The following ZNF438 variants were observed in gnomAD, a reference collection of about 807,000 sequenced individuals.
ZNF438 encodes the protein zinc finger protein 438.
In ZNF438, 25 loss-of-function variants were observed where a neutral mutation model predicts 38.0. The ratio of observed to expected loss-of-function variants is 0.66; its 90% confidence interval spans 0.48 to 0.92. The LOEUF (loss-of-function observed/expected upper bound fraction) is 0.92, where lower values mean the gene tolerates loss of function less well. ZNF438 is among the 40% of genes least tolerant of loss of function. The pLI is 0.00. For synonymous variants in ZNF438, 372 were observed against 364.1 expected (o/e 1.02, Z -0.25); for missense variants, 1,007 against 999.6 (o/e 1.01, Z -0.10).
intron 3 of ZNF438, among the ~76,000 whole-genome samples, chr10:30,888,507 TC>T (rs2040252472): frequency 6.6e-6 from 1 of 152,126 alleles, no homozygotes; most frequent in African/African-American, 2.4e-5. Flanking sequence ...TTTTTTCTGC[TC>T]CTCTCCCTCC....
intron 4 of ZNF438, among the ~76,000 whole-genome samples, chr10:30,874,632 G>A (rs1324688172): frequency 1.3e-5 from 2 of 151,908 alleles, no homozygotes; most frequent in African/African-American, 4.8e-5. Context: ...CCTTATTGAT[G>A]TAATTTTCCA....
chr10:30,941,349 G>A (rs1429818557), intron 2 of ZNF438, among the ~76,000 whole-genome samples: 4 of 152,146 alleles, frequency 2.6e-5, no homozygotes, highest in Non-Finnish European at 5.9e-5. Context: ...TGGCATTACA[G>A]GCATGAGCCA....
intron 3 of ZNF438, among the ~76,000 whole-genome samples, chr10:30,889,263 A>C (rs2040371410): frequency 6.6e-6 from 1 of 152,254 alleles, no homozygotes; most frequent in East Asian, 1.9e-4. Context: ...TAATCTACAG[A>C]ATAAATTTTA....
intron 1 of ZNF438, among the ~76,000 whole-genome samples, chr10:31,022,911 C>G (rs895150892): frequency 2.6e-5 from 4 of 152,138 alleles, no homozygotes; most frequent in Admixed American, 2.0e-4. Context: ...TTTTAAGCTA[C>G]AGGAATGAAC....
At chr10:30,891,720 C>T (rs1471175466) in intron 3 of ZNF438, among the ~76,000 whole-genome samples, 1 of 152,130 alleles carries the variant, frequency 6.6e-6, no homozygotes, top group Non-Finnish European at 1.5e-5. Flanking sequence ...TGCCATAGTG[C>T]ATTTTAGTTA....
chr10:31,032,088 G>A (rs1265512180), upstream of ZNF438, among the ~76,000 whole-genome samples: 3 of 152,212 alleles, frequency 2.0e-5, no homozygotes, highest in African/African-American at 7.2e-5. Context: ...CGCCTGCGGC[G>A]GCGACTGCTC....
At chr10:30,888,620 G>A (rs959787023) in intron 3 of ZNF438, among the ~76,000 whole-genome samples, 5 of 152,160 alleles carry the variant, frequency 3.3e-5, no homozygotes, top group African/African-American at 7.2e-5. Context: ...GTGAGAACAT[G>A]CAGTATTTGG....
At chr10:30,883,486 A>G (rs2039540878) in intron 3 of ZNF438, among the ~76,000 whole-genome samples, 1 of 152,214 alleles carries the variant, frequency 6.6e-6, no homozygotes, top group Non-Finnish European at 1.5e-5. Context: ...ACTTAGAATT[A>G]GGGTATATTT....
intron 1 of ZNF438, among the ~76,000 whole-genome samples, chr10:30,986,970 T>A (rs1240042848): frequency 6.6e-6 from 1 of 152,162 alleles, no homozygotes; most frequent in Non-Finnish European, 1.5e-5. Flanking sequence ...CTTACTAAAT[T>A]TAAAAAATGG....
intron 1 of ZNF438, among the ~76,000 whole-genome samples, chr10:31,025,916 G>A (rs2056906492): frequency 6.6e-6 from 1 of 152,152 alleles, no homozygotes; most frequent in African/African-American, 2.4e-5. Flanking sequence ...AAATATATAT[G>A]AGTTGAAGAT....
At chr10:30,857,831 A>C in intron 4 of ZNF438, 3 of 1,209,554 alleles carry the variant, frequency 2.5e-6, no homozygotes, top group Non-Finnish European at 2.2e-6. Flanking sequence ...ATGAGGGCTC[A>C]ATAGCACTAG....
exon 5 of ZNF438, chr10:30,849,020 C>A (rs1442966925): frequency 6.2e-7 from 1 of 1,614,112 alleles, no homozygotes; most frequent in South Asian, 1.1e-5. Flanking sequence ...TCCTAGGCCC[C>A]CAAGCATCTG....
chr10:30,948,795 G>T (rs1302761640), intron 1 of ZNF438, among the ~76,000 whole-genome samples: 4 of 150,848 alleles, frequency 2.7e-5, no homozygotes, highest in African/African-American at 9.7e-5. Flanking sequence ...GAAAGTGATG[G>T]GGAGAATGGA....
chr10:30,948,230 C>T (rs980997760), intron 1 of ZNF438, among the ~76,000 whole-genome samples: 1 of 152,124 alleles, frequency 6.6e-6, no homozygotes, highest in Non-Finnish European at 1.5e-5. Flanking sequence ...AAAAGACATC[C>T]CCACCAAAAA....
intron 1 of ZNF438, among the ~76,000 whole-genome samples, chr10:31,006,789 A>G (rs148951388): frequency 1.6e-5 from 2 of 122,694 alleles, no homozygotes; most frequent in East Asian, 4.6e-4. Context: ...GGGGGGGGGA[A>G]CTCCCACACG....
At chr10:30,894,904 T>C (rs2041138613) in intron 3 of ZNF438, among the ~76,000 whole-genome samples, 1 of 152,202 alleles carries the variant, frequency 6.6e-6, no homozygotes, top group Non-Finnish European at 1.5e-5. Flanking sequence ...TCAACTTCAA[T>C]AGTTTATTAA....
intron 1 of ZNF438, among the ~76,000 whole-genome samples, chr10:30,962,232 A>G (rs1207510985): frequency 1.4e-5 from 2 of 147,160 alleles, no homozygotes; most frequent in African/African-American, 2.4e-5. Flanking sequence ...TATTTTAGAT[A>G]TAAGCTTCAG....
chr10:30,976,051 A>T (rs891430001), intron 1 of ZNF438, among the ~76,000 whole-genome samples: 1 of 152,100 alleles, frequency 6.6e-6, no homozygotes, highest in African/African-American at 2.4e-5. Flanking sequence ...TATAAATTTA[A>T]AGTTAAAAAA....
chr10:30,940,949 A>T (rs2046758109), intron 2 of ZNF438, among the ~76,000 whole-genome samples: 1 of 152,184 alleles, frequency 6.6e-6, no homozygotes, highest in African/African-American at 2.4e-5. Flanking sequence ...TACAACGCAA[A>T]AGCATTGTTT....
Sources: allele counts gnomAD v4.1 joint callset (sites outside exome capture counted in the v4.1 genomes callset), GRCh38; gene constraint gnomAD v4.1.1; transcripts MANE v1.5; gene names NCBI Gene and HGNC (gene_info 2026-07-23, HGNC 2026-07-21).